The following SPTBN5 variants were observed in gnomAD, a reference collection of about 807,000 sequenced individuals.
SPTBN5 encodes the protein spectrin beta chain, non-erythrocytic 5.
In SPTBN5, 513 loss-of-function variants were observed where a neutral mutation model predicts 477.6. The observed-to-expected ratio is 1.07, with a 90% CI of 1.00 to 1.16. The LOEUF is 1.16. Ranked by LOEUF, SPTBN5 falls within the 50% of genes most tolerant of loss-of-function variation. The pLI is 0.00. For synonymous variants in SPTBN5, 2,169 were observed against 2,011.7 expected (o/e 1.08, Z -2.09); for missense variants, 5,062 against 4,731.8 (o/e 1.07, Z -2.05).
intron 5 of SPTBN5, 74 bp downstream of exon 5, chr15:41,887,854 G>T: frequency 6.9e-7 from 1 of 1,450,566 alleles, no homozygotes; most frequent in Non-Finnish European, 9.4e-7. Flanking sequence ...TGGGAGAACG[G>T]GTGGGCTGAG....
rs547941312 is a variant in SPTBN5, at chr15:41,858,263, A to G, written c.8226+339T>C. On this transcript the variant is annotated intron_variant, in intron 49 of 67. Transcript: ENST00000320955. ...CAGTGAGCTGAGATCTTGCCACTGC[A>G]CTCCAGCCTGGGTGACAGAGCAAGA... is the stretch of plus-strand genomic sequence containing the variant. 2.8e-4 allele frequency among the ~76,000 whole-genome samples: 42 copies of G among 152,178 alleles called. No individual in the cohort carries two copies. The East Asian group carries it at 7.5e-3, about 27-fold the overall frequency.
In SPTBN5 at chr15:41,869,890, C is replaced by T. The variant is rs774502155; in HGVS notation, c.5804G>A (p.Arg1935His). 2.0e-5 allele frequency: 31 copies of T among 1,556,746 alleles called. No individual in the cohort carries two copies. The highest frequency in any genetic ancestry group is 2.4e-5 in the East Asian group (1 of 42,350). ...GCGTGCCCGCTCCAGCTGGGCCCTG[C>T]GCTGCTCCATGCGTCGCTGCAGCAC... ...WAVLQRRMEQRRAQLERARLL... is the reference protein window; with the variant it reads ...WAVLQRRMEQHRAQLERARLL... Residue 1935 changes from arginine (R) to histidine (H), a missense_variant, in exon 32 of 68, where the codon CGC becomes CAC. Transcript: ENST00000320955.
Position 41,866,179 on chromosome 15 carries a change from G to GGA in SPTBN5, c.6679_6680dup (p.Gln2228ProfsTer14). 6.3e-7 allele frequency: 1 copy of GGA among 1,575,432 alleles called. No homozygotes were observed. Among genetic ancestry groups the GGA allele is most frequent in the Non-Finnish European group, 8.6e-7 (1 of 1,162,240 alleles). On this transcript the variant is annotated frameshift_variant, in exon 38 of 68. Transcript: ENST00000320955. LOFTEE classifies it high-confidence loss of function. ...GCTTCCGCAGGCCCTGCAGCCGCTG[G>GGA]GAGACCTCTCCGGCTCGAGGGTGAC...
At position 41,853,015 on chromosome 15, in the gene SPTBN5, C is replaced by A; in HGVS notation, c.10171-15G>T. 1 of 1,502,536 alleles carries A rather than the reference C, an allele frequency of 6.7e-7. No homozygotes were observed. Among genetic ancestry groups the A allele is most frequent in the South Asian group, 1.3e-5 (1 of 76,424 alleles). 93.1% of individuals were successfully genotyped at this position (1,502,536 alleles called of 1,614,324 possible). On this transcript the variant is annotated splice_polypyrimidine_tract_variant and intron_variant, in intron 59 of 67. Coordinates refer to ENST00000320955, the MANE Select transcript of SPTBN5 (RefSeq NM_016642.4). ...CACTCTGTCACCTGGTGGGGAGGGG[C>A]TGCTATGGGTGACAGCTTGGGTAGG... is the stretch of plus-strand genomic sequence containing the variant.
chr15:41,848,165 G>GTTAT lies in SPTBN5; in HGVS notation c.*447_*450dup, dbSNP rs1188433010. ...CAAATGTGAGGCGCTGAGACCATCTGTTATTACTGCTGAGAAGGGCCATGT... is the reference window on the plus strand; with the variant it reads ...CAAATGTGAGGCGCTGAGACCATCTGTTATTTATTACTGCTGAGAAGGGCCATGT... On this transcript the variant is annotated 3_prime_UTR_variant, in exon 68 of 68. Transcript: ENST00000320955. The GTTAT allele has an allele frequency of 1.9e-6, 1 of 537,530 alleles. No homozygotes were observed. The highest frequency in any genetic ancestry group is 1.9e-5 in the African/African-American group (1 of 52,634). The allele number at this position is 537,530 out of a possible 1,614,324, so 33.3% of individuals were successfully genotyped here.
intron 10 of SPTBN5, 26 bp downstream of exon 10, chr15:41,882,559 G>A: frequency 6.3e-7 from 1 of 1,585,738 alleles, no homozygotes; most frequent in Non-Finnish European, 8.6e-7. Context: ...GCTGGCGACC[G>A]GCGGGCGCGC....
At chr15:41,893,783 C>T (rs953013721) in intron 1 of SPTBN5, 116 bp downstream of exon 1, 7 of 546,390 alleles carry the variant, frequency 1.3e-5, no homozygotes, top group Middle Eastern at 4.9e-4. Flanking sequence ...CCCTCCACCA[C>T]AGTGACTGGG....
chr15:41,850,958 G>A lies in SPTBN5; in HGVS notation c.10836-19C>T, dbSNP rs775604360. ...GGTCAGCCTGGCACCCACAGTCACA[G>A]GTCAAACTCCACTGTCCCTTTGGGG... On this transcript the variant is annotated intron_variant, in intron 65 of 67. Coordinates refer to ENST00000320955, the MANE Select transcript of SPTBN5 (RefSeq NM_016642.4). 54 of 1,595,442 alleles carry A rather than the reference G, an allele frequency of 3.4e-5. No individual in the cohort carries two copies. The East Asian group carries it at 3.6e-4, about 11-fold the overall frequency.
chr15:41,875,502 G>C lies in SPTBN5; in HGVS notation c.4243C>G (p.Leu1415Val), dbSNP rs758353619. The C allele has an allele frequency of 3.0e-5, 49 of 1,612,476 alleles. No homozygotes were observed. The highest frequency in any genetic ancestry group is 4.2e-5 in the Non-Finnish European group (49 of 1,179,510). Residue 1415 changes from leucine to valine, a missense_variant, in exon 22 of 68, where the codon CTC (leucine) becomes GTC (valine). Physicochemically the swap from Leu to Val is conservative, Grantham distance 32. Coordinates refer to ENST00000320955, the MANE Select transcript of SPTBN5 (RefSeq NM_016642.4). ...NRKMTERGDE[L>V]QQAGQQEQLL... is the part of the protein sequence containing the mutation. ...TGCTCCTGCTGTCCAGCCTGCTGGA[G>C]CTCGTCCCCACGCTCAGTCATCTTG...
Position 41,886,366 on chromosome 15 carries a change from T to A in SPTBN5, c.889A>T (p.Ile297Phe). 1 of 1,595,272 alleles carries A rather than the reference T, an allele frequency of 6.3e-7. No homozygotes were observed. The highest frequency in any genetic ancestry group is 8.5e-7 in the Non-Finnish European group (1 of 1,170,538). Residue 297 changes from isoleucine (I) to phenylalanine (F), a missense_variant and splice_region_variant, in exon 7 of 68, where the codon ATC (isoleucine) becomes TTC (phenylalanine). Coordinates refer to ENST00000320955, the MANE Select transcript of SPTBN5 (RefSeq NM_016642.4). Reference protein sequence around the residue: ...GQTVQRRLTKILLQLQETELL... With the variant: ...GQTVQRRLTKFLLQLQETELL... ...TCTGTCTCCTGGAGCTGAAGCAGGATCTGGTGGAGGGCATAGGAAGGGGTC... is the reference window on the plus strand; with the variant it reads ...TCTGTCTCCTGGAGCTGAAGCAGGAACTGGTGGAGGGCATAGGAAGGGGTC...
Position 41,874,418 on chromosome 15 carries a change from C to T in SPTBN5, c.4563G>A (p.Glu1521=). The T allele has an allele frequency of 1.2e-6, 2 of 1,613,490 alleles. No individual in the cohort carries two copies. Among genetic ancestry groups the T allele is most frequent in the Non-Finnish European group, 1.7e-6 (2 of 1,179,828 alleles). The change falls in exon 24 of 68, where the codon GAG becomes GAA. Residue 1521 remains glutamate (E), a synonymous_variant. Transcript: ENST00000320955. The part of the protein sequence containing the change: ...IRGLQLQASV[E]LHQFCHLSNM... ...TGCTCAGGTGGCAGAACTGGTGCAG[C>T]TCCACTGAGGCCTGCAGCTGCAGGC...
chr15:41,851,864 A>C lies in SPTBN5; in HGVS notation c.10585-14T>G, dbSNP rs1428107145. On this transcript the variant is annotated splice_polypyrimidine_tract_variant and intron_variant, in intron 62 of 67. Coordinates refer to ENST00000320955, the MANE Select transcript of SPTBN5 (RefSeq NM_016642.4). ...ACCCTTTGCATCCTGAAAATGCAAG[A>C]TGGGGCCCAGAAATGTCAGGACCAG... 1.2e-6 allele frequency: 2 copies of C among 1,605,812 alleles called. No individual in the cohort carries two copies. Among genetic ancestry groups the C allele is most frequent in the Non-Finnish European group, 8.5e-7 (1 of 1,176,084 alleles).
chr15:41,852,398 C>G (rs2065795539), intron 61 of SPTBN5, 82 bp from the exon 62 acceptor site: 1 of 1,479,668 alleles, frequency 6.8e-7, no homozygotes, highest in Non-Finnish European at 9.1e-7. Context: ...CCTCCCCTCC[C>G]CCAGCCCTCC....
At chr15:41,855,519 T>C in intron 54 of SPTBN5, 30 bp downstream of exon 54, 1 of 1,603,110 alleles carries the variant, frequency 6.2e-7, no homozygotes, top group South Asian at 1.1e-5. Flanking sequence ...TTCTCTCTGC[T>C]CCTTCGCGGA....
rs1595505251 is a variant in SPTBN5 at position 41,882,649 on chromosome 15, C to T, written c.1982G>A (p.Arg661Gln). 1.2e-6 allele frequency: 2 copies of T among 1,607,640 alleles called. No homozygotes were observed. Among genetic ancestry groups the T allele is most frequent in the Non-Finnish European group, 8.5e-7 (1 of 1,177,688 alleles). ...CCGGCCCAGGGCCGCATTCCCCACC[C>T]GCTGTCCGCACTCCTTCAGCCAGGC... is the stretch of plus-strand genomic sequence containing the variant. ...EEAWLKECGQ[R>Q]VGNAALGRDL... The change falls in exon 10 of 68, where the codon CGG becomes CAG. Residue 661 changes from arginine (R) to glutamine (Q), a missense_variant. Transcript: ENST00000320955.
At position 41,875,588 on chromosome 15, in the gene SPTBN5, C is replaced by T. The variant is rs1393016430; in HGVS notation, c.4157G>A (p.Gly1386Asp). 1 of 1,602,310 alleles carries T rather than the reference C, an allele frequency of 6.2e-7. No homozygotes were observed. ...GRELLSRRPC[G>D]QEDIQTRLQG... The stretch of plus-strand genomic sequence containing the variant: ...AAGCCTGGTCTGTATGTCCTCCTGG[C>T]CACAGGGCCTCCTACTCAACAGCTC... Residue 1386 changes from glycine to aspartate, a missense_variant, in exon 22 of 68, where the codon GGC becomes GAC. Coordinates refer to ENST00000320955, the MANE Select transcript of SPTBN5 (RefSeq NM_016642.4).
At position 41,873,485 on chromosome 15, in the gene SPTBN5, G is replaced by A. The variant is rs1373303360; in HGVS notation, c.5007+7C>T. 5 of 1,546,644 alleles carry A rather than the reference G, an allele frequency of 3.2e-6. No individual in the cohort carries two copies. The highest frequency in any genetic ancestry group is 4.4e-6 in the Non-Finnish European group (5 of 1,142,514). On this transcript the variant is annotated splice_region_variant and intron_variant, in intron 26 of 67. Coordinates refer to ENST00000320955, the MANE Select transcript of SPTBN5 (RefSeq NM_016642.4). The stretch of plus-strand genomic sequence containing the variant: ...CCACACTGCAGGGGAGGCTCAGGAC[G>A]TGGTACCTGGTGCTTGTTAATGAGC...
chr15:41,857,655 C>A lies in SPTBN5; in HGVS notation c.8282G>T (p.Arg2761Leu). The A allele has an allele frequency of 6.3e-7, 1 of 1,593,494 alleles. No individual in the cohort carries two copies. The change falls in exon 50 of 68, where the codon CGA (arginine) becomes CTA (leucine). Residue 2761 changes from arginine (R) to leucine (L), a missense_variant. Transcript: ENST00000320955. ...GHPASEAIQE[R>L]LEELGALWGE... ...CCAGAGTGCTCCCAGCTCCTCCAGTCGCTCCTGGATGGCCTCCGAGGCTGG... is the reference window on the plus strand; with the variant it reads ...CCAGAGTGCTCCCAGCTCCTCCAGTAGCTCCTGGATGGCCTCCGAGGCTGG...
At chr15:41,851,003 C>G in intron 65 of SPTBN5, 56 bp downstream of exon 65, 1 of 1,591,882 alleles carries the variant, frequency 6.3e-7, no homozygotes. Flanking sequence ...CCTCCAGCCC[C>G]CGCTGAGCCA....
Sources: allele counts gnomAD v4.1 joint callset (sites outside exome capture counted in the v4.1 genomes callset), GRCh38; gene constraint gnomAD v4.1.1; transcripts MANE v1.5; gene names NCBI Gene and HGNC (gene_info 2026-07-23, HGNC 2026-07-21).